APAF1: variants seen among roughly 807,000 people sequenced by gnomAD.
APAF1 encodes apoptotic protease-activating factor 1.
APAF1 carries 91 observed loss-of-function variants against 152.4 expected under a neutral mutation model. The observed-to-expected ratio is 0.60, with a 90% CI of 0.50 to 0.71. The LOEUF (loss-of-function observed/expected upper bound fraction) is 0.71. APAF1 is among the 30% of genes least tolerant of loss of function. The pLI is 0.00. For missense variants in APAF1, 1,283 were observed against 1,472.0 expected (o/e 0.87, Z 2.10); for synonymous variants, 484 against 494.1 (o/e 0.98, Z 0.27).
chr12:98,653,656 CAAAAAAAAAAAAAAAAAAA>C (rs61301412), intron 4 of APAF1, among the ~76,000 whole-genome samples: 3 of 17,522 alleles, frequency 1.7e-4, no homozygotes, highest in African/African-American at 2.1e-4. Flanking sequence ...GATGCCGTCT[CAAAAAAAAAAAAAAAAAAA>C]AAAAAAAAAA....
chr12:98,672,690 A>G (rs957606788), intron 12 of APAF1, among the ~76,000 whole-genome samples: 2 of 152,148 alleles, frequency 1.3e-5, no homozygotes, highest in African/African-American at 4.8e-5. Flanking sequence ...ATAATGCTAC[A>G]TAATCAAGTT....
In APAF1 at chr12:98,731,418, C is replaced by T. The variant is rs556335001; in HGVS notation, c.3601-1002C>T. Among the ~76,000 whole-genome samples the T allele has an allele frequency of 2.0e-5, 3 of 152,292 alleles. No individual in the cohort carries two copies. In the East Asian group the frequency reaches 5.8e-4, roughly 29 times the overall value. ...CTCTAAGAGCCTTAGTGACTGAAAA[C>T]AAATGAATCTCAGGTTGGTGGAATG... On this transcript the variant is annotated intron_variant, in intron 26 of 26. Transcript: ENST00000551964.
Position 98,645,458 on chromosome 12 carries a change from G to C in APAF1, c.-419G>C, listed in dbSNP as rs1331797210. ...CCCTCCGGGGTGCAGCCGCCGTCGG[G>C]GGAAGGGCGCCACAGGCCGGGAAGA... On this transcript the variant is annotated 5_prime_UTR_variant, in exon 1 of 27. Transcript: ENST00000551964. The C allele has an allele frequency of 6.6e-6, 1 of 152,342 alleles. No homozygotes were observed. The highest frequency in any genetic ancestry group is 1.5e-5 in the Non-Finnish European group (1 of 68,140). The allele number at this position is 152,342 out of a possible 1,614,324, so 9.4% of individuals were successfully genotyped here.
chr12:98,655,484 C>T (rs1415906047), intron 4 of APAF1, among the ~76,000 whole-genome samples: 20 of 149,258 alleles, frequency 1.3e-4, no homozygotes, highest in African/African-American at 4.0e-4. Flanking sequence ...CCCTCCCGGA[C>T]GGGGCGGCTG....
intron 12 of APAF1, 108 bp from the exon 13 acceptor site, chr12:98,677,317 T>C: frequency 8.7e-7 from 1 of 1,151,522 alleles, no homozygotes; most frequent in Non-Finnish European, 1.3e-6. Context: ...AATTTTGTAT[T>C]TTGGGGAACA....
At chr12:98,658,411 A>G (rs1186058518) in intron 4 of APAF1, among the ~76,000 whole-genome samples, 1 of 152,196 alleles carries the variant, frequency 6.6e-6, no homozygotes, top group Non-Finnish European at 1.5e-5. Context: ...ACCTGTTTTA[A>G]TCCTTTATAC....
At chr12:98,700,682 C>T (rs2097714436) in intron 17 of APAF1, among the ~76,000 whole-genome samples, 1 of 152,244 alleles carries the variant, frequency 6.6e-6, no homozygotes, top group Non-Finnish European at 1.5e-5. Context: ...ATTACATTCA[C>T]AATGCTGTGT....
In APAF1 at chr12:98,723,178, T is replaced by G. The variant is rs2097745494; in HGVS notation, c.3085-15T>G. The G allele has an allele frequency of 6.2e-7, 1 of 1,612,284 alleles. No individual in the cohort carries two copies. Among genetic ancestry groups the G allele is most frequent in the African/African-American group, 1.3e-5 (1 of 74,884 alleles). On this transcript the variant is annotated splice_polypyrimidine_tract_variant and intron_variant, in intron 22 of 26. Coordinates refer to ENST00000551964, the MANE Select transcript of APAF1 (RefSeq NM_181861.2). ...CGGGGGAGGATTATAACAGACTTATTTCTTTGATATTCAGGTATGGAATTG... is the reference window on the plus strand; with the variant it reads ...CGGGGGAGGATTATAACAGACTTATGTCTTTGATATTCAGGTATGGAATTG...
chr12:98,727,970 T>TA (rs1565897310), intron 26 of APAF1, among the ~76,000 whole-genome samples: 9 of 142,904 alleles, frequency 6.3e-5, no homozygotes, highest in South Asian at 2.2e-4. Flanking sequence ...ATAAATAAAT[T>TA]AATTAATTAA....
rs562427277 is a variant in APAF1 at position 98,712,235 on chromosome 12, AT to A, written c.2842-77del. ...TTGGTTATTTTCTGTGTTTTATTTT[AT>A]TTTTTTCAATTGAAGCCTCTGTTCT... On this transcript the variant is annotated intron_variant, in intron 20 of 26. Coordinates refer to ENST00000551964, the MANE Select transcript of APAF1 (RefSeq NM_181861.2). The A allele has an allele frequency of 6.3e-5, 50 of 797,092 alleles. 1 individual carries two copies. Among genetic ancestry groups the A allele is most frequent in the South Asian group, 6.1e-4 (45 of 74,072 alleles). The allele number at this position is 797,092 out of a possible 1,614,324, so 49.4% of individuals were successfully genotyped here.
chr12:98,667,852 C>G (rs1009451002), intron 10 of APAF1, among the ~76,000 whole-genome samples: 1 of 141,406 alleles, frequency 7.1e-6, no homozygotes, highest in Admixed American at 7.5e-5. Flanking sequence ...GCTCATTACA[C>G]CCTCACCTCC....
chr12:98,672,577 G>A (rs1200371575), intron 12 of APAF1, among the ~76,000 whole-genome samples: 3 of 151,922 alleles, frequency 2.0e-5, no homozygotes, highest in Non-Finnish European at 4.4e-5. Context: ...TCTTAAAGGA[G>A]TCTCTTTTGC....
intron 10 of APAF1, among the ~76,000 whole-genome samples, chr12:98,669,809 C>G (rs1006611219): frequency 6.6e-6 from 1 of 152,076 alleles, no homozygotes; most frequent in Admixed American, 6.6e-5. Flanking sequence ...ACATGCCTAC[C>G]AACAGTGGTT....
intron 16 of APAF1, among the ~76,000 whole-genome samples, chr12:98,699,009 C>A (rs2097712481): frequency 6.6e-6 from 1 of 152,162 alleles, no homozygotes; most frequent in Non-Finnish European, 1.5e-5. Flanking sequence ...TGTAGTCTTC[C>A]TGCTGTGCAT....
At chr12:98,679,928 G>A (rs562183769) in intron 13 of APAF1, among the ~76,000 whole-genome samples, 65 of 152,356 alleles carry the variant, frequency 4.3e-4, no homozygotes, top group African/African-American at 1.5e-3. Flanking sequence ...CTGGTAGTGT[G>A]AGCTGAATGC....
chr12:98,681,471 T>C (rs2097692147), intron 14 of APAF1, among the ~76,000 whole-genome samples: 1 of 152,088 alleles, frequency 6.6e-6, no homozygotes, highest in African/African-American at 2.4e-5. Context: ...CTTGTGGGGG[T>C]TATCACTGAT....
rs191192176 is a variant in APAF1, at chr12:98,708,476, C to G, written c.2722-109C>G. On this transcript the variant is annotated intron_variant, in intron 19 of 26. Transcript: ENST00000551964. ...TTTGGATTATAATCTAATATTGAAA[C>G]CTTTCTAGCATCATAGGTATTTTAT... The G allele has an allele frequency of 1.5e-3, 1,695 of 1,114,134 alleles. 5 individuals are homozygous for G. The highest frequency in any genetic ancestry group is 1.8e-3 in the South Asian group (129 of 71,656). 69.0% of individuals were successfully genotyped at this position (1,114,134 alleles called of 1,614,324 possible). A position where few individuals can be genotyped will look rare whatever the true frequency, so the allele number is the denominator to read the frequency against.
At chr12:98,673,290 G>T (rs993174854) in intron 12 of APAF1, among the ~76,000 whole-genome samples, 2 of 151,366 alleles carry the variant, frequency 1.3e-5, no homozygotes, top group Non-Finnish European at 2.9e-5. Context: ...AGACCAGCCT[G>T]GTCAACATGG....
chr12:98,648,717 A>G lies in APAF1; in HGVS notation c.230A>G (p.His77Arg), dbSNP rs561566651. 5 of 1,613,768 alleles carry G rather than the reference A, an allele frequency of 3.1e-6. No homozygotes were observed. The highest frequency in any genetic ancestry group is 1.3e-5 in the African/African-American group (1 of 75,048). Residue 77 changes from histidine (H) to arginine (R), a missense_variant, in exon 3 of 27, where the codon CAT (histidine) becomes CGT (arginine). His to Arg is a conservative substitution (Grantham distance 29). Coordinates refer to ENST00000551964, the MANE Select transcript of APAF1 (RefSeq NM_181861.2). Reference sequence around the variant, plus strand: ...GTATCATTCTACAATGCTCTACTACATGAAGGATATAAAGATCTTGCTGCC... The same window carrying G: ...GTATCATTCTACAATGCTCTACTACGTGAAGGATATAAAGATCTTGCTGCC... ...SYVSFYNALL[H>R]EGYKDLAALL...
Sources: gnomAD v4.1 joint callset for allele counts (sites outside exome capture counted in the v4.1 genomes callset) on GRCh38, gnomAD v4.1.1 for gene constraint, MANE v1.5 for transcripts, NCBI Gene and HGNC (gene_info 2026-07-23, HGNC 2026-07-21) for gene names.